Variants in GHR observed in about 807,000 individuals in gnomAD.
The protein encoded by GHR is GH receptor.
Under a neutral mutation model 67.1 loss-of-function variants are expected in GHR, and 35 were observed. That is an observed-to-expected ratio of 0.52 (90% confidence interval 0.40 to 0.69). GHR has a LOEUF of 0.69. GHR is among the 30% of genes least tolerant of loss of function. GHR has a pLI of 0.00. For missense variants in GHR, 792 were observed against 764.6 expected, an observed-to-expected ratio of 1.04 and a Z score of -0.42; for synonymous variants, 272 against 269.1, an observed-to-expected ratio of 1.01 and a Z score of -0.10.
At chr5:42,480,565 G>A (rs1172991106) in intron 1 of GHR, among the ~76,000 whole-genome samples, 1 of 152,156 alleles carries the variant, frequency 6.6e-6, no homozygotes, top group Non-Finnish European at 1.5e-5. Context: ...ATGAATCTGG[G>A]TGCTCCTGTA....
intron 1 of GHR, among the ~76,000 whole-genome samples, chr5:42,469,657 G>A (rs186999765): frequency 1.3e-3 from 193 of 152,284 alleles, no homozygotes; most frequent in South Asian, 3.9e-3. Context: ...GGGGTAGTGC[G>A]AAGAGGAGAG....
At chr5:42,591,269 T>C (rs1451132013) in intron 2 of GHR, among the ~76,000 whole-genome samples, 1 of 152,194 alleles carries the variant, frequency 6.6e-6, no homozygotes, top group African/African-American at 2.4e-5. Context: ...CTTTTCGCAT[T>C]TGGTCATCAA....
chr5:42,468,657 G>A lies in GHR; in HGVS notation c.-12+44702G>A, dbSNP rs1440654099. The stretch of plus-strand genomic sequence containing the variant: ...TTGCTGTCTTTCTGGGACTCCTTGC[G>A]CAGCTAGCTATTTGCCTGCCGCCTT... On this transcript the variant is annotated intron_variant, in intron 1 of 9. Transcript: ENST00000230882. 1.5e-5 allele frequency: 16 copies of A among 1,034,016 alleles called. No individual in the cohort carries two copies. In the Admixed American group the frequency reaches 1.6e-4, roughly 10 times the overall value. The allele number at this position is 1,034,016 out of a possible 1,614,324, so 64.1% of individuals were successfully genotyped here.
chr5:42,521,511 G>A (rs927626367), intron 1 of GHR, among the ~76,000 whole-genome samples: 12 of 152,056 alleles, frequency 7.9e-5, no homozygotes, highest in African/African-American at 2.2e-4. Flanking sequence ...ATTTAGTTTC[G>A]GATTTGTAAA....
chr5:42,517,952 A>G (rs1396437330), intron 1 of GHR, among the ~76,000 whole-genome samples: 1 of 152,012 alleles, frequency 6.6e-6, no homozygotes, highest in Non-Finnish European at 1.5e-5. Context: ...CCAGTTTAGA[A>G]TATGCCAGGT....
intron 2 of GHR, among the ~76,000 whole-genome samples, chr5:42,577,959 A>G (rs1750854388): frequency 6.6e-6 from 1 of 152,222 alleles, no homozygotes; most frequent in Non-Finnish European, 1.5e-5. Flanking sequence ...TATACGATAT[A>G]CTTAATCAGA....
intron 1 of GHR, among the ~76,000 whole-genome samples, chr5:42,478,916 A>G (rs1282285724): frequency 6.6e-6 from 1 of 152,166 alleles, no homozygotes; most frequent in Non-Finnish European, 1.5e-5. Context: ...AACTTCCAAC[A>G]CTATGTTGAA....
At position 42,467,193 on chromosome 5, in the gene GHR, G is replaced by A. The variant is rs1004568865; in HGVS notation, c.-12+43238G>A. ...CAAAAAGGCAAGAGAGCTGACTGAA[G>A]GCTTGCCCACATTCACTGCAGTCAT... is the stretch of plus-strand genomic sequence containing the variant. On this transcript the variant is annotated intron_variant, in intron 1 of 9. Transcript: ENST00000230882. The A allele has an allele frequency of 6.3e-6, 10 of 1,582,712 alleles. No homozygotes were observed. In the African/African-American group the frequency reaches 1.2e-4, roughly 19 times the overall value.
intron 8 of GHR, among the ~76,000 whole-genome samples, 183 bp from the exon 9 acceptor site, chr5:42,717,869 T>A (rs1758795999): frequency 6.6e-6 from 1 of 152,170 alleles, no homozygotes; most frequent in Admixed American, 6.5e-5. Flanking sequence ...TTTTTCCTTC[T>A]ACAGTTTTTC....
At chr5:42,458,534 T>C (rs1420033940) in intron 1 of GHR, among the ~76,000 whole-genome samples, 1 of 152,098 alleles carries the variant, frequency 6.6e-6, no homozygotes, top group African/African-American at 2.4e-5. Flanking sequence ...CCCTGGAAGA[T>C]AACCTAGGAA....
intron 2 of GHR, among the ~76,000 whole-genome samples, chr5:42,623,395 C>A (rs562744482): frequency 2.0e-5 from 3 of 152,256 alleles, no homozygotes; most frequent in African/African-American, 7.2e-5. Flanking sequence ...AAATTAAGTT[C>A]TTTGGCTAGG....
chr5:42,473,574 A>G (rs1745099960), intron 1 of GHR, among the ~76,000 whole-genome samples: 1 of 152,134 alleles, frequency 6.6e-6, no homozygotes, highest in South Asian at 2.1e-4. Context: ...CAAATTAGAA[A>G]GGTCTATTGA....
intron 1 of GHR, among the ~76,000 whole-genome samples, chr5:42,530,720 G>A (rs1156476747): frequency 1.3e-5 from 2 of 152,106 alleles, no homozygotes; most frequent in African/African-American, 2.4e-5. Flanking sequence ...TTTTGCACAA[G>A]CTGTGTCATA....
At chr5:42,515,810 C>A (rs1461723438) in intron 1 of GHR, among the ~76,000 whole-genome samples, 2 of 152,150 alleles carry the variant, frequency 1.3e-5, no homozygotes, top group Non-Finnish European at 1.5e-5. Context: ...CAGTAGCAAC[C>A]TTTCCATTTC....
At chr5:42,555,029 G>A (rs1188546273) in intron 1 of GHR, among the ~76,000 whole-genome samples, 1 of 152,148 alleles carries the variant, frequency 6.6e-6, no homozygotes, top group Non-Finnish European at 1.5e-5. Flanking sequence ...CCTGAAGAGT[G>A]AAGGGGTACA....
At chr5:42,499,298 T>C (rs904517440) in intron 1 of GHR, among the ~76,000 whole-genome samples, 1 of 152,150 alleles carries the variant, frequency 6.6e-6, no homozygotes, top group Non-Finnish European at 1.5e-5. Context: ...GGGTAGGGAA[T>C]TGACAAGTTG....
intron 8 of GHR, among the ~76,000 whole-genome samples, chr5:42,717,462 A>G (rs16872680): frequency 0.018 from 2,738 of 152,336 alleles, 146 homozygotes; most frequent in South Asian, 0.18. Flanking sequence ...ACCCATACTG[A>G]TTAGTTAGAG....
intron 1 of GHR, among the ~76,000 whole-genome samples, chr5:42,450,973 T>A (rs1207840864): frequency 6.6e-6 from 1 of 152,230 alleles, no homozygotes; most frequent in Non-Finnish European, 1.5e-5. Context: ...TCATTTTTAT[T>A]CCGCAGTTGT....
chr5:42,720,365 A>G lies in GHR; in HGVS notation c.*941A>G, dbSNP rs886060644. 14 of 152,220 alleles carry G rather than the reference A, an allele frequency of 9.2e-5. No homozygotes were observed. The highest frequency in any genetic ancestry group is 1.8e-4 in the Non-Finnish European group (12 of 68,038). The allele number at this position is 152,220 out of a possible 1,614,324, so 9.4% of individuals were successfully genotyped here. On this transcript the variant is annotated 3_prime_UTR_variant, in exon 10 of 10. Coordinates refer to ENST00000230882, the MANE Select transcript of GHR (RefSeq NM_000163.5). ...AAAAAAAATACATGCTAAGAGAAGT[A>G]GAAATCATAGCTGGTTCACACTGAC...
Sources: allele counts gnomAD v4.1 joint callset (sites outside exome capture counted in the v4.1 genomes callset), GRCh38; gene constraint gnomAD v4.1.1; transcripts MANE v1.5; gene names NCBI Gene and HGNC (gene_info 2026-07-23, HGNC 2026-07-21).